Variants in PLCH1 observed in about 807,000 individuals in gnomAD.
PLCH1 encodes 1-phosphatidylinositol 4,5-bisphosphate phosphodiesterase eta-1.
A neutral mutation model predicts 126.7 loss-of-function variants in PLCH1; 60 were observed. That is an observed-to-expected ratio of 0.47 (90% confidence interval 0.38 to 0.59). The LOEUF (loss-of-function observed/expected upper bound fraction) is 0.59, where lower values mean the gene tolerates loss of function less well. Ranked by LOEUF, PLCH1 falls within the 20% of genes least tolerant of loss-of-function variation. PLCH1 has a pLI of 0.00. For missense variants in PLCH1, 1,723 were observed against 2,040.0 expected, an observed-to-expected ratio of 0.84 and a Z score of 2.99; for synonymous variants, 719 against 734.9, an observed-to-expected ratio of 0.98 and a Z score of 0.35.
chr3:155,600,692 G>T (rs2108676217), intron 2 of PLCH1, among the ~76,000 whole-genome samples: 1 of 151,774 alleles, frequency 6.6e-6, no homozygotes, highest in African/African-American at 2.4e-5. Flanking sequence ...TATCTGTTAT[G>T]CTCTAGACCT....
chr3:155,568,168 G>T, intron 7 of PLCH1, 63 bp downstream of exon 7: 1 of 737,190 alleles, frequency 1.4e-6, no homozygotes, highest in Non-Finnish European at 2.4e-6. Context: ...AAAAACTTTT[G>T]CTGGAATTTA....
chr3:155,695,991 G>A (rs1745761669), intron 2 of PLCH1, among the ~76,000 whole-genome samples: 1 of 152,304 alleles, frequency 6.6e-6, no homozygotes, highest in East Asian at 1.9e-4. Context: ...TTGAGTCTGA[G>A]GACCTGGAGA....
intron 12 of PLCH1, among the ~76,000 whole-genome samples, chr3:155,514,218 G>A (rs1719996092): frequency 6.6e-6 from 1 of 152,146 alleles, no homozygotes; most frequent in Non-Finnish European, 1.5e-5. Flanking sequence ...AAACTAAATG[G>A]GCCTGAGGAA....
At chr3:155,511,825 C>T (rs1054896978) in intron 12 of PLCH1, among the ~76,000 whole-genome samples, 1 of 151,616 alleles carries the variant, frequency 6.6e-6, no homozygotes, top group Admixed American at 6.6e-5. Flanking sequence ...GCCCTGCCCC[C>T]AGAGGTGGAG....
chr3:155,480,809 A>T lies in PLCH1; in HGVS notation c.*159T>A, dbSNP rs971312843. On this transcript the variant is annotated 3_prime_UTR_variant, in exon 23 of 23. Transcript: ENST00000460012. ...GGAAATGTCACCAAATCTATATACA[A>T]ACGCATTAACAGGGAGAACACATGA... 6 of 632,730 alleles carry T rather than the reference A, an allele frequency of 9.5e-6. No homozygotes were observed. The highest frequency in any genetic ancestry group is 2.0e-5 in the South Asian group (1 of 49,578). 39.2% of individuals were successfully genotyped at this position (632,730 alleles called of 1,614,324 possible).
intron 10 of PLCH1, among the ~76,000 whole-genome samples, chr3:155,542,858 A>G (rs1384759832): frequency 6.6e-6 from 1 of 152,142 alleles, no homozygotes; most frequent in Non-Finnish European, 1.5e-5. Context: ...TAACAAACAG[A>G]AAGGACATCC....
chr3:155,724,312 G>C (rs1210553501), intron 1 of PLCH1, among the ~76,000 whole-genome samples: 1 of 152,142 alleles, frequency 6.6e-6, no homozygotes, highest in Non-Finnish European at 1.5e-5. Context: ...CTGTCTTAAT[G>C]ACCTGTCTAG....
intron 2 of PLCH1, among the ~76,000 whole-genome samples, chr3:155,683,346 C>T (rs1744681580): frequency 6.6e-6 from 1 of 152,196 alleles, no homozygotes; most frequent in South Asian, 2.1e-4. Context: ...AGGCACATCA[C>T]TGTCAGCTTG....
rs1217566795 is a variant in PLCH1, at chr3:155,488,826, A to G, written c.2393-20T>C. The G allele has an allele frequency of 3.8e-6, 6 of 1,593,150 alleles. No homozygotes were observed. In the East Asian group the frequency reaches 1.4e-4, roughly 36 times the overall value. ...TAAATCCTCAGAGAAATAGGAAAAG[A>G]AAAATCAGAAAAGCAAAGGACTTGG... On this transcript the variant is annotated intron_variant, in intron 19 of 22. Coordinates refer to ENST00000460012, the MANE Select transcript of PLCH1 (RefSeq NM_014996.4).
chr3:155,639,081 TTAAA>T (rs2108846226), intron 2 of PLCH1, among the ~76,000 whole-genome samples: 1 of 152,136 alleles, frequency 6.6e-6, no homozygotes, highest in East Asian at 1.9e-4. Flanking sequence ...TAAATATCGG[TTAAA>T]TAAATGAGTA....
chr3:155,676,256 T>C, intron 2 of PLCH1: 1 of 1,216,762 alleles, frequency 8.2e-7, no homozygotes, highest in Non-Finnish European at 1.0e-6. Flanking sequence ...CCATGAGATA[T>C]GATTATAGAA....
At chr3:155,461,178 A>G (rs1712710383) in intron 21 of PLCH1, among the ~76,000 whole-genome samples, 1 of 152,184 alleles carries the variant, frequency 6.6e-6, no homozygotes, top group Admixed American at 6.5e-5. Flanking sequence ...ATATTGATTG[A>G]CATTTTTCTA....
intron 21 of PLCH1, among the ~76,000 whole-genome samples, chr3:155,470,270 G>T (rs564312577): frequency 6.6e-6 from 1 of 152,202 alleles, no homozygotes; most frequent in Non-Finnish European, 1.5e-5. Flanking sequence ...CGAGAACTAC[G>T]TGAAGAATAC....
intron 2 of PLCH1, among the ~76,000 whole-genome samples, chr3:155,636,826 G>T (rs920621015): frequency 6.6e-6 from 1 of 151,922 alleles, no homozygotes; most frequent in African/African-American, 2.4e-5. Flanking sequence ...TACAAAATGA[G>T]ATAAGTATGC....
chr3:155,583,774 C>T (rs1232497535), intron 5 of PLCH1, 132 bp from the exon 6 acceptor site: 1 of 581,006 alleles, frequency 1.7e-6, no homozygotes, highest in Non-Finnish European at 2.8e-6. Context: ...TCTTCGAGCA[C>T]ACATTCTCTT....
At chr3:155,573,068 G>C (rs1018377959) in intron 6 of PLCH1, among the ~76,000 whole-genome samples, 1 of 152,060 alleles carries the variant, frequency 6.6e-6, no homozygotes, top group Non-Finnish European at 1.5e-5. Context: ...TCTTGCTCTT[G>C]CTTTATGGCA....
At chr3:155,564,346 T>C (rs1310581500) in intron 8 of PLCH1, among the ~76,000 whole-genome samples, 1 of 152,002 alleles carries the variant, frequency 6.6e-6, no homozygotes, top group Non-Finnish European at 1.5e-5. Flanking sequence ...GGGTGGATCA[T>C]GAGGTCAGAG....
chr3:155,470,919 G>A (rs1713190887), intron 21 of PLCH1, among the ~76,000 whole-genome samples: 1 of 152,046 alleles, frequency 6.6e-6, no homozygotes, highest in Non-Finnish European at 1.5e-5. Context: ...AAGAGCTCCT[G>A]AAGGAAGCGC....
chr3:155,648,680 T>A lies in PLCH1; in HGVS notation c.80-52302A>T, dbSNP rs967144114. ...CTTCATTAAGCAGGGGTGATGGACATGAAACAACAAATTAGACAACAAAGC... is the reference window on the plus strand; with the variant it reads ...CTTCATTAAGCAGGGGTGATGGACAAGAAACAACAAATTAGACAACAAAGC... On this transcript the variant is annotated intron_variant, in intron 2 of 22. Transcript: ENST00000460012. Among the ~76,000 whole-genome samples, 3 of 152,180 alleles carry A rather than the reference T, an allele frequency of 2.0e-5. No individual in the cohort carries two copies. In the East Asian group the frequency reaches 5.8e-4, roughly 29 times the overall value.
Sources: allele counts gnomAD v4.1 joint callset (sites outside exome capture counted in the v4.1 genomes callset), GRCh38; gene constraint gnomAD v4.1.1; transcripts MANE v1.5; gene names NCBI Gene and HGNC (gene_info 2026-07-23, HGNC 2026-07-21).